Variants in SHC4 observed in about 807,000 individuals in gnomAD.
The protein encoded by SHC4 is SHC-transforming protein 4.
Under a neutral mutation model 69.4 loss-of-function variants are expected in SHC4, and 41 were observed. The ratio of observed to expected loss-of-function variants is 0.59; its 90% CI spans 0.46 to 0.77. SHC4 has a LOEUF of 0.77. Among genes scored for constraint, SHC4 ranks in the 30% least tolerant of loss-of-function variants. The probability of loss-of-function intolerance (pLI) is 0.00; values close to 1 mark genes in which losing one functional copy is unlikely to be tolerated. For missense variants in SHC4, 777 were observed against 783.8 expected (o/e 0.99, Z 0.10); for synonymous variants, 318 against 299.3 (o/e 1.06, Z -0.64).
Position 48,832,058 on chromosome 15 carries a change from G to A in SHC4, c.1737+2711C>T, listed in dbSNP as rs530596611. On this transcript the variant is annotated intron_variant, in intron 11 of 11. Transcript: ENST00000332408. ...GGCCAAGGCAGGTGGATAAACTGAG[G>A]TCTGGAGTTCAAGACCAGCCTGGCC... is the stretch of plus-strand genomic sequence containing the variant. 4.9e-4 allele frequency among the ~76,000 whole-genome samples: 74 copies of A among 152,322 alleles called. 1 individual carries two copies. Among genetic ancestry groups the A allele is most frequent in the Admixed American group, 2.5e-3 (38 of 15,300 alleles).
chr15:48,948,595 C>T (rs1595767502), intron 1 of SHC4, among the ~76,000 whole-genome samples: 1 of 152,230 alleles, frequency 6.6e-6, no homozygotes, highest in East Asian at 1.9e-4. Context: ...ATTGAAATCA[C>T]ATAATTTAAG....
intron 6 of SHC4, among the ~76,000 whole-genome samples, chr15:48,862,198 T>G (rs1013472172): frequency 2.7e-5 from 4 of 147,806 alleles, no homozygotes; most frequent in Admixed American, 1.3e-4. Context: ...GTTTTGGGGT[T>G]TTTTTTTTTT....
intron 2 of SHC4, among the ~76,000 whole-genome samples, chr15:48,898,906 C>T (rs1018987539): frequency 3.3e-5 from 5 of 152,142 alleles, no homozygotes; most frequent in South Asian, 4.1e-4. Flanking sequence ...AAAGATTGTT[C>T]TCCTTTAGGG....
intron 10 of SHC4, among the ~76,000 whole-genome samples, chr15:48,835,946 G>A (rs919885396): frequency 6.6e-6 from 1 of 150,944 alleles, no homozygotes; most frequent in Admixed American, 6.6e-5. Context: ...GGGAGGCCGA[G>A]GCAGGTGGAT....
intron 11 of SHC4, among the ~76,000 whole-genome samples, chr15:48,831,000 C>A (rs1898789082): frequency 6.6e-6 from 1 of 151,958 alleles, no homozygotes; most frequent in African/African-American, 2.4e-5. Context: ...TAGTGCTAGC[C>A]TAATGTCTGT....
chr15:48,874,773 T>C (rs1443099236), intron 4 of SHC4, among the ~76,000 whole-genome samples: 1 of 152,232 alleles, frequency 6.6e-6, no homozygotes, highest in Non-Finnish European at 1.5e-5. Context: ...GACACTTAAG[T>C]TGCATCTGGT....
At chr15:48,900,014 G>A (rs187757388) in intron 2 of SHC4, among the ~76,000 whole-genome samples, 3 of 152,290 alleles carry the variant, frequency 2.0e-5, no homozygotes, top group African/African-American at 7.2e-5. Context: ...TAGACCAGAT[G>A]GTTGTGTTAG....
intron 2 of SHC4, among the ~76,000 whole-genome samples, chr15:48,924,221 A>G (rs1595759410): frequency 6.6e-6 from 1 of 151,660 alleles, no homozygotes; most frequent in Admixed American, 6.6e-5. Context: ...CAGTCCTCTC[A>G]CCTCATCTCC....
In SHC4 at chr15:48,872,099, C is replaced by G. The variant is rs1899687430; in HGVS notation, c.884G>C (p.Gly295Ala). The part of the protein sequence containing the change: ...HHMQSISFAS[G>A]GDPDTTDYVA... ...TGAATCCATACTTACAGGATCCCCT[C>G]CAGAGGCAAATGAAATAGACTGCAT... The change falls in exon 5 of 12, where the codon GGA (glycine) becomes GCA (alanine). Residue 295 changes from glycine (G) to alanine (A), a missense_variant. Transcript: ENST00000332408. 6.3e-7 allele frequency: 1 copy of G among 1,595,456 alleles called. No individual in the cohort carries two copies.
chr15:48,931,374 G>T (rs1900961889), intron 1 of SHC4, among the ~76,000 whole-genome samples: 1 of 152,148 alleles, frequency 6.6e-6, no homozygotes, highest in African/African-American at 2.4e-5. Context: ...CCCACCTTCA[G>T]ATGTGTATTG....
At chr15:48,921,466 C>T (rs1900752836) in intron 2 of SHC4, among the ~76,000 whole-genome samples, 1 of 151,986 alleles carries the variant, frequency 6.6e-6, no homozygotes, top group Non-Finnish European at 1.5e-5. Context: ...TCCCAAGTAG[C>T]TGGGATTACA....
intron 1 of SHC4, among the ~76,000 whole-genome samples, chr15:48,927,184 T>C (rs1567071884): frequency 6.6e-6 from 1 of 152,212 alleles, no homozygotes; most frequent in African/African-American, 2.4e-5. Flanking sequence ...CCAGGTGGCA[T>C]GAAAAGATTG....
At chr15:48,954,223 C>A (rs1901407716) in intron 1 of SHC4, among the ~76,000 whole-genome samples, 1 of 152,180 alleles carries the variant, frequency 6.6e-6, no homozygotes, top group South Asian at 2.1e-4. Flanking sequence ...CATTCACCTC[C>A]CCTCCCAGCT....
intron 6 of SHC4, among the ~76,000 whole-genome samples, chr15:48,861,001 G>A (rs770418432): frequency 1.9e-4 from 29 of 152,188 alleles, no homozygotes; most frequent in African/African-American, 4.3e-4. Flanking sequence ...CGCTTCTGGC[G>A]TACCTCTAGA....
At position 48,907,127 on chromosome 15, in the gene SHC4, G is replaced by A. The variant is rs187919779; in HGVS notation, c.657-16316C>T. ...GATTTACTTTTCATAATCAGAAAAG[G>A]AATGCAAAAAAAAATTAAGAATTAG... On this transcript the variant is annotated intron_variant, in intron 2 of 11. Coordinates refer to ENST00000332408, the MANE Select transcript of SHC4 (RefSeq NM_203349.4). 4.9e-4 allele frequency among the ~76,000 whole-genome samples: 73 copies of A among 150,038 alleles called. 1 individual carries two copies. Among genetic ancestry groups the A allele is most frequent in the African/African-American group, 1.7e-3 (68 of 41,038 alleles).
chr15:48,878,349 TGGA>T lies in SHC4; in HGVS notation c.840+5896_840+5898del, dbSNP rs762766855. 3.7e-6 allele frequency: 6 copies of T among 1,613,258 alleles called. No homozygotes were observed. In the East Asian group the frequency reaches 6.7e-5, roughly 18 times the overall value. On this transcript the variant is annotated intron_variant, in intron 4 of 11. Coordinates refer to ENST00000332408, the MANE Select transcript of SHC4 (RefSeq NM_203349.4). ...CAACAGCTCGAGGAGGAAGGCCCAA[TGGA>T]GGAGGAGGAGGCCCAGCCAATGGCG...
intron 1 of SHC4, among the ~76,000 whole-genome samples, chr15:48,933,615 C>G (rs1278296903): frequency 6.6e-6 from 1 of 152,132 alleles, no homozygotes; most frequent in Non-Finnish European, 1.5e-5. Context: ...TGTGTAATTT[C>G]CTGACATTCA....
chr15:48,881,965 T>A (rs950655068), intron 4 of SHC4, among the ~76,000 whole-genome samples: 2 of 152,218 alleles, frequency 1.3e-5, no homozygotes, highest in Non-Finnish European at 2.9e-5. Context: ...GTTCCATAAA[T>A]GCTATCATCT....
chr15:48,826,021 GT>G lies in SHC4; in HGVS notation c.1842del (p.Lys614AsnfsTer4). 1 of 1,613,976 alleles carries G rather than the reference GT, an allele frequency of 6.2e-7. No individual in the cohort carries two copies. Among genetic ancestry groups the G allele is most frequent in the Non-Finnish European group, 8.5e-7 (1 of 1,179,938 alleles). On this transcript the variant is annotated frameshift_variant, in exon 12 of 12. Coordinates refer to ENST00000332408, the MANE Select transcript of SHC4 (RefSeq NM_203349.4). LOFTEE classifies it high-confidence loss of function. The stretch of plus-strand genomic sequence containing the variant: ...GGATTATTATCTTTTCTCACTGGTT[GT>G]TTAAGGCTTACTTCGCTTCCAGAGG... ...IISSGSEVSLKQPVRKDNNPA... is the reference protein window; with the variant it reads ...IISSGSEVSLXQPVRKDNNPA...
Sources: gnomAD v4.1 joint callset for allele counts (sites outside exome capture counted in the v4.1 genomes callset) on GRCh38, gnomAD v4.1.1 for gene constraint, MANE v1.5 for transcripts, NCBI Gene and HGNC (gene_info 2026-07-23, HGNC 2026-07-21) for gene names.